The following THSD7B variants were observed in gnomAD, a reference collection of about 807,000 sequenced individuals.
The protein encoded by THSD7B is thrombospondin type 1 domain containing 7B.
Under a neutral mutation model 213.6 loss-of-function variants are expected in THSD7B, and 138 were observed. The ratio of observed to expected loss-of-function variants is 0.65; its 90% CI spans 0.56 to 0.74. The LOEUF is 0.74. Among genes scored for constraint, THSD7B ranks in the 30% least tolerant of loss-of-function variants. THSD7B has a pLI of 0.00. For synonymous variants in THSD7B, 742 were observed against 687.0 expected, an observed-to-expected ratio of 1.08 and a Z score of -1.25; for missense variants, 1,931 against 1,991.5, an observed-to-expected ratio of 0.97 and a Z score of 0.58.
intron 12 of THSD7B, among the ~76,000 whole-genome samples, chr2:137,360,897 C>G (rs945229853): frequency 3.9e-5 from 6 of 152,286 alleles, no homozygotes; most frequent in Admixed American, 6.5e-5. Flanking sequence ...GGACAGACTG[C>G]CTCCTCAAGT....
At chr2:136,911,502 G>A (rs569582) in intron 2 of THSD7B, among the ~76,000 whole-genome samples, 150,086 of 152,354 alleles carry the variant, frequency 0.99, 73,974 homozygotes, top group East Asian at 1. Flanking sequence ...ATTCACTAAC[G>A]TGAAAAATCA....
intron 15 of THSD7B, among the ~76,000 whole-genome samples, chr2:137,488,577 G>A (rs2105118446): frequency 6.6e-6 from 1 of 152,258 alleles, no homozygotes; most frequent in African/African-American, 2.4e-5. Context: ...CTAGTGATCT[G>A]AAAGATGGTG....
intron 12 of THSD7B, among the ~76,000 whole-genome samples, chr2:137,345,429 G>GA (rs1367296523): frequency 6.6e-6 from 1 of 151,424 alleles, no homozygotes; most frequent in Admixed American, 6.6e-5. Context: ...TTTGTGAGGA[G>GA]AAAAAAATAG....
intron 15 of THSD7B, among the ~76,000 whole-genome samples, chr2:137,528,505 A>G (rs1449166697): frequency 1.3e-5 from 2 of 152,226 alleles, no homozygotes; most frequent in East Asian, 3.9e-4. Context: ...CAGTGCCTTT[A>G]CTTATAGATC....
chr2:137,090,409 G>A (rs12622876), intron 3 of THSD7B, among the ~76,000 whole-genome samples: 31,888 of 151,996 alleles, frequency 0.21, 5,025 homozygotes, highest in African/African-American at 0.43. Context: ...TATGTGCGAT[G>A]TATGATATAA....
At chr2:137,382,594 C>A (rs967390373) in intron 12 of THSD7B, among the ~76,000 whole-genome samples, 10 of 152,236 alleles carry the variant, frequency 6.6e-5, no homozygotes, top group African/African-American at 2.4e-4. Flanking sequence ...GCAGGATGGG[C>A]TGCAGTCATC....
chr2:137,239,897 T>A (rs975201218), intron 9 of THSD7B, among the ~76,000 whole-genome samples: 1 of 152,214 alleles, frequency 6.6e-6, no homozygotes, highest in African/African-American at 2.4e-5. Flanking sequence ...AAAAGCCCTC[T>A]TGCTGGTTTG....
At chr2:137,067,643 C>G (rs1356415599) in intron 3 of THSD7B, among the ~76,000 whole-genome samples, 2 of 152,032 alleles carry the variant, frequency 1.3e-5, no homozygotes, top group Non-Finnish European at 2.9e-5. Flanking sequence ...TTCACAAATT[C>G]TTCTCAGTCT....
intron 1 of THSD7B, among the ~76,000 whole-genome samples, chr2:136,775,356 T>A (rs887890189): frequency 6.6e-6 from 1 of 152,086 alleles, no homozygotes; most frequent in Non-Finnish European, 1.5e-5. Flanking sequence ...TCTCAATCCT[T>A]TTCTACTCCT....
intron 4 of THSD7B, among the ~76,000 whole-genome samples, chr2:137,097,959 GC>G (rs11354521): frequency 0.1 from 15,250 of 152,186 alleles, 1,099 homozygotes; most frequent in African/African-American, 0.2. Flanking sequence ...CTAAACATCA[GC>G]TAACATTCTA....
At chr2:137,246,977 T>A (rs992937143) in intron 10 of THSD7B, among the ~76,000 whole-genome samples, 1 of 152,130 alleles carries the variant, frequency 6.6e-6, no homozygotes, top group African/African-American at 2.4e-5. Context: ...CTGCGATAAA[T>A]TCTCCATAGG....
chr2:137,630,129 G>C (rs1682713573), intron 20 of THSD7B, among the ~76,000 whole-genome samples: 1 of 151,984 alleles, frequency 6.6e-6, no homozygotes, highest in South Asian at 2.1e-4. Context: ...AAGTAGCTGG[G>C]ACTACAGGCA....
chr2:136,891,381 C>T (rs576553791), intron 2 of THSD7B, among the ~76,000 whole-genome samples: 1 of 152,164 alleles, frequency 6.6e-6, no homozygotes, highest in South Asian at 2.1e-4. Context: ...GCTTCACTGT[C>T]AAAATATTTT....
intron 3 of THSD7B, among the ~76,000 whole-genome samples, chr2:137,079,646 G>A (rs1322735660): frequency 2.0e-5 from 3 of 151,774 alleles, no homozygotes; most frequent in Admixed American, 6.6e-5. Context: ...CACAGAGGTG[G>A]GTTTACCTTT....
chr2:137,469,032 A>G (rs1259559627), intron 15 of THSD7B, among the ~76,000 whole-genome samples: 1 of 152,234 alleles, frequency 6.6e-6, no homozygotes, highest in East Asian at 1.9e-4. Flanking sequence ...TGAAACTGAA[A>G]CAAATGGCAA....
chr2:137,277,000 T>G (rs1461265384), intron 12 of THSD7B, among the ~76,000 whole-genome samples: 1 of 152,094 alleles, frequency 6.6e-6, no homozygotes, highest in Non-Finnish European at 1.5e-5. Context: ...CATTTTACTT[T>G]CATATATCAC....
intron 15 of THSD7B, among the ~76,000 whole-genome samples, chr2:137,558,524 TA>T (rs1681035445): frequency 6.6e-6 from 1 of 152,326 alleles, no homozygotes; most frequent in East Asian, 1.9e-4. Context: ...CCCTTCATTC[TA>T]AAAACTCTCA....
intron 12 of THSD7B, among the ~76,000 whole-genome samples, chr2:137,317,813 AAGACTG>A (rs1351532787): frequency 6.6e-6 from 1 of 152,138 alleles, no homozygotes; most frequent in Non-Finnish European, 1.5e-5. Context: ...AGTTACTCAG[AAGACTG>A]AGACTGAGGC....
At chr2:137,670,567 T>C (rs1371824976) in intron 27 of THSD7B, among the ~76,000 whole-genome samples, 1 of 152,240 alleles carries the variant, frequency 6.6e-6, no homozygotes, top group African/African-American at 2.4e-5. Flanking sequence ...ATCAATGTGC[T>C]AAATTATAGT....
Sources: allele counts gnomAD v4.1 joint callset (sites outside exome capture counted in the v4.1 genomes callset), GRCh38; gene constraint gnomAD v4.1.1; transcripts MANE v1.5; gene names NCBI Gene and HGNC (gene_info 2026-07-23, HGNC 2026-07-21).